AATF: variants seen among roughly 807,000 people sequenced by gnomAD.
AATF encodes apoptosis antagonizing transcription factor.
A neutral mutation model predicts 63.7 loss-of-function variants in AATF; 48 were observed. That is an observed-to-expected ratio of 0.75 (90% CI 0.60 to 0.96). The LOEUF (loss-of-function observed/expected upper bound fraction) is 0.96. Among genes scored for constraint, AATF ranks in the 40% least tolerant of loss-of-function variants. The probability of loss-of-function intolerance (pLI) is 0.00; values close to 1 mark genes in which losing one functional copy is unlikely to be tolerated. For synonymous variants in AATF, 258 were observed against 247.7 expected (o/e 1.04, Z -0.39); for missense variants, 639 against 685.7 (o/e 0.93, Z 0.76).
At chr17:37,032,152 A>G (rs1030841980) in intron 11 of AATF, among the ~76,000 whole-genome samples, 21 of 152,200 alleles carry the variant, frequency 1.4e-4, no homozygotes, top group African/African-American at 5.1e-4. Context: ...AAAAAAGTGT[A>G]TGCTCATAAT....
intron 4 of AATF, among the ~76,000 whole-genome samples, chr17:36,985,380 C>G (rs28453117): frequency 0.011 from 1,737 of 151,868 alleles, 37 homozygotes; most frequent in African/African-American, 0.04. Context: ...GCCATCCTCC[C>G]ACCTCAGGGC....
At chr17:36,956,527 G>A (rs2070901594) in intron 4 of AATF, among the ~76,000 whole-genome samples, 1 of 152,084 alleles carries the variant, frequency 6.6e-6, no homozygotes, top group African/African-American at 2.4e-5. Flanking sequence ...ACAAAAATTA[G>A]CCAAGTGTGG....
intron 10 of AATF, among the ~76,000 whole-genome samples, chr17:37,028,057 G>A (rs1158200941): frequency 6.6e-6 from 1 of 152,066 alleles, no homozygotes; most frequent in Non-Finnish European, 1.5e-5. Flanking sequence ...TTTTGGGAAG[G>A]CATTTTGACT....
rs2070829898 is a variant in AATF at position 36,949,054 on chromosome 17, A to G, written c.-72A>G. The G allele has an allele frequency of 7.5e-7, 1 of 1,327,194 alleles. No individual in the cohort carries two copies. The highest frequency in any genetic ancestry group is 1.5e-5 in the African/African-American group (1 of 67,810). 82.2% of individuals were successfully genotyped at this position (1,327,194 alleles called of 1,614,324 possible). A position where few individuals can be genotyped will look rare whatever the true frequency, so the allele number is the denominator to read the frequency against. On this transcript the variant is annotated 5_prime_UTR_variant, in exon 1 of 12. Transcript: ENST00000619387. ...TCAAGGCGAGAGGATCCGGCAGGGA[A>G]GGAGCTTCGGGGCCGGGGGTTGGGC...
At chr17:36,949,454 G>A (rs2070835609) in intron 1 of AATF, among the ~76,000 whole-genome samples, 1 of 152,286 alleles carries the variant, frequency 6.6e-6, no homozygotes, top group Admixed American at 6.5e-5. Context: ...GAGGGCTCAG[G>A]CCGAGAGGAG....
chr17:37,028,767 C>T (rs938337443), intron 10 of AATF, among the ~76,000 whole-genome samples: 11 of 152,124 alleles, frequency 7.2e-5, no homozygotes, highest in African/African-American at 2.4e-4. Context: ...GCCTGGGTGA[C>T]AGTGAGACCC....
chr17:36,993,625 A>G (rs570694415), intron 8 of AATF, among the ~76,000 whole-genome samples: 64 of 152,262 alleles, frequency 4.2e-4, no homozygotes, highest in African/African-American at 1.4e-3. Flanking sequence ...ATATATTACA[A>G]TGGGCCTGTG....
intron 6 of AATF, 131 bp from the exon 7 acceptor site, chr17:36,989,116 C>A: frequency 9.1e-7 from 1 of 1,097,484 alleles, no homozygotes; most frequent in Non-Finnish European, 1.3e-6. Context: ...AAACTCAGTC[C>A]TTTACAGAAA....
rs138950336 is a variant in AATF at position 36,969,160 on chromosome 17, A to G, written c.832+15253A>G. Among the ~76,000 whole-genome samples the G allele has an allele frequency of 1.0e-3, 158 of 152,332 alleles. 2 individuals are homozygous for G. The highest frequency in any genetic ancestry group is 3.5e-3 in the African/African-American group (146 of 41,574). On this transcript the variant is annotated intron_variant, in intron 4 of 11. Transcript: ENST00000619387. ...TTGTCTATGGTTTCCATTGTAAAGCAATCTATCTGCACCATTTTGGAAGAA... is the reference window on the plus strand; with the variant it reads ...TTGTCTATGGTTTCCATTGTAAAGCGATCTATCTGCACCATTTTGGAAGAA...
Position 36,949,159 on chromosome 17 carries a change from G to GA in AATF, c.36dup (p.Gln13ThrfsTer13). ...GCCGCAGCCCCTGGCGCTGCAACTG[G>GA]AACAGTTGTTGAACCCGCGACCAAG... On this transcript the variant is annotated frameshift_variant, in exon 1 of 12. Coordinates refer to ENST00000619387, the MANE Select transcript of AATF (RefSeq NM_012138.4). LOFTEE classifies it high-confidence loss of function. 6.3e-7 allele frequency: 1 copy of GA among 1,591,056 alleles called. No homozygotes were observed. The highest frequency in any genetic ancestry group is 8.5e-7 in the Non-Finnish European group (1 of 1,170,584).
intron 10 of AATF, 123 bp from the exon 11 acceptor site, chr17:37,031,491 A>G: frequency 2.5e-6 from 2 of 807,910 alleles, no homozygotes; most frequent in Non-Finnish European, 4.3e-6. Context: ...ATTTTTCCCT[A>G]TCCCACTTTG....
At chr17:37,035,541 C>CTTT (rs767344407) in intron 11 of AATF, among the ~76,000 whole-genome samples, 20,843 of 142,916 alleles carry the variant, frequency 0.15, 1,913 homozygotes, top group South Asian at 0.24. Context: ...GTGTTTCCAA[C>CTTT]TTTTTTTTTT....
At chr17:37,009,781 C>T (rs1044974962) in intron 8 of AATF, among the ~76,000 whole-genome samples, 3 of 132,122 alleles carry the variant, frequency 2.3e-5, no homozygotes, top group African/African-American at 5.9e-5. Context: ...TGCGCCACTG[C>T]AGTCCGCAGT....
At chr17:36,990,127 T>G (rs952890512) in intron 7 of AATF, among the ~76,000 whole-genome samples, 10 of 151,972 alleles carry the variant, frequency 6.6e-5, no homozygotes, top group Non-Finnish European at 1.5e-4. Context: ...CCTTTTTTAC[T>G]AAATGAGAGA....
intron 10 of AATF, among the ~76,000 whole-genome samples, chr17:37,028,132 C>T (rs60430488): frequency 4.7e-4 from 71 of 152,254 alleles, no homozygotes; most frequent in African/African-American, 1.7e-3. Context: ...TATGTATTGG[C>T]CAGGCTCAGT....
At chr17:37,054,793 ATTTC>A (rs2071784441) in intron 11 of AATF, 1 of 152,186 alleles carries the variant, frequency 6.6e-6, no homozygotes, top group South Asian at 2.1e-4. Flanking sequence ...GCGCCTCTGC[ATTTC>A]TTTCTCATCA....
intron 4 of AATF, among the ~76,000 whole-genome samples, chr17:36,967,814 A>G (rs540769977): frequency 6.6e-6 from 1 of 151,456 alleles, no homozygotes; most frequent in South Asian, 2.1e-4. Context: ...TTCAGCTTCT[A>G]AAGTTGCAAT....
At chr17:36,970,577 CTT>C (rs921734422) in intron 4 of AATF, among the ~76,000 whole-genome samples, 1 of 141,482 alleles carries the variant, frequency 7.1e-6, no homozygotes, top group African/African-American at 2.7e-5. Context: ...GTGTCTTCCT[CTT>C]TTGTGGAGGC....
chr17:37,031,745 C>T (rs1385694907), intron 11 of AATF, 60 bp downstream of exon 11: 2 of 1,328,022 alleles, frequency 1.5e-6, no homozygotes, highest in East Asian at 2.3e-5. Flanking sequence ...TATTGACCTG[C>T]TCTACAGCCT....
Sources: allele counts gnomAD v4.1 joint callset (sites outside exome capture counted in the v4.1 genomes callset), GRCh38; gene constraint gnomAD v4.1.1; transcripts MANE v1.5; gene names NCBI Gene and HGNC (gene_info 2026-07-23, HGNC 2026-07-21).